Variants in MID1 observed in about 807,000 individuals in gnomAD.
MID1 encodes midline 1, also known as E3 ubiquitin-protein ligase Midline-1.
A neutral mutation model predicts 40.4 loss-of-function variants in MID1; 7 were observed. The observed-to-expected ratio is 0.17, with a 90% CI of 0.10 to 0.33. MID1 has a LOEUF of 0.33. Among genes scored for constraint, MID1 ranks in the 10% least tolerant of loss-of-function variants. The pLI is 1.00. For missense variants in MID1, 367 were observed against 558.5 expected, an observed-to-expected ratio of 0.66 and a Z score of 3.46; for synonymous variants, 229 against 221.2, an observed-to-expected ratio of 1.04 and a Z score of -0.31.
Position 10,449,683 on chromosome X carries a change from C to A in MID1, c.1689G>T (p.Pro563=), listed in dbSNP as rs765392240. The change falls in exon 10 of 10, where the codon CCG becomes CCT. Residue 563 remains proline (P), a synonymous_variant. Coordinates refer to ENST00000317552, the MANE Select transcript of MID1 (RefSeq NM_000381.4). ...AGTTCTTCCCAATCCATTCATGCTT[C>A]GGGGCTGATTTGTAAGCAAGACCAA... The part of the protein sequence containing the change: ...YAIGLAYKSA[P]KHEWIGKNSA... 1 of 1,211,086 alleles carries A rather than the reference C, an allele frequency of 8.3e-7. No individual in the cohort carries two copies. The highest frequency in any genetic ancestry group is 3.0e-5 in the East Asian group (1 of 33,779).
intron 1 of MID1, among the ~76,000 whole-genome samples, chrX:10,680,013 T>G (rs2043048549): frequency 8.9e-6 from 1 of 112,265 alleles, no homozygotes; most frequent in Admixed American, 9.5e-5. Flanking sequence ...ACTTAAAAAC[T>G]TTGCAGCACT....
At chrX:10,820,962 G>C (rs777698815) in intron 1 of MID1, among the ~76,000 whole-genome samples, 1 of 112,004 alleles carries the variant, frequency 8.9e-6, no homozygotes, top group East Asian at 2.8e-4. Flanking sequence ...AAGTTATTAT[G>C]AGCAAAATCA....
chrX:10,628,646 C>G (rs775989746), intron 1 of MID1, among the ~76,000 whole-genome samples: 36 of 111,748 alleles, frequency 3.2e-4, no homozygotes, highest in Admixed American at 2.9e-3. Flanking sequence ...TTTTCTTCAA[C>G]TGGGCAAATT....
intron 1 of MID1, among the ~76,000 whole-genome samples, chrX:10,831,177 A>G (rs188438734): frequency 2.7e-5 from 3 of 112,007 alleles, no homozygotes; most frequent in Middle Eastern, 9.2e-3. Flanking sequence ...CTCATCATTT[A>G]CCAGTGCTCT....
chrX:10,630,477 G>A (rs780880832), intron 1 of MID1, among the ~76,000 whole-genome samples: 1 of 109,476 alleles, frequency 9.1e-6, no homozygotes, highest in East Asian at 2.9e-4. Flanking sequence ...GCAGAGGGAG[G>A]AAGCACTACA....
chrX:10,806,806 A>T (rs1221800636), intron 1 of MID1, among the ~76,000 whole-genome samples: 2 of 112,303 alleles, frequency 1.8e-5, no homozygotes, highest in African/African-American at 6.5e-5. Context: ...TTCATTTGCA[A>T]ATATTCCTTT....
intron 5 of MID1, among the ~76,000 whole-genome samples, chrX:10,475,734 G>T (rs901151882): frequency 8.9e-6 from 1 of 111,871 alleles, no homozygotes; most frequent in Non-Finnish European, 1.9e-5. Flanking sequence ...GGGAATTTTT[G>T]AGCAAAGAAA....
At chrX:10,800,252 T>C (rs985281372) in intron 1 of MID1, among the ~76,000 whole-genome samples, 7 of 111,932 alleles carry the variant, frequency 6.3e-5, no homozygotes, top group Non-Finnish European at 1.3e-4. Context: ...GGCAAGGAAT[T>C]GAGGGTGGTC....
chrX:10,703,009 C>A (rs2043202174), intron 1 of MID1, among the ~76,000 whole-genome samples: 1 of 112,031 alleles, frequency 8.9e-6, no homozygotes, highest in Admixed American at 9.5e-5. Flanking sequence ...TGATCTTGGA[C>A]TTTCCAGCCT....
intron 7 of MID1, among the ~76,000 whole-genome samples, chrX:10,460,575 C>A (rs984297326): frequency 9.0e-6 from 1 of 111,249 alleles, no homozygotes; most frequent in Non-Finnish European, 1.9e-5. Flanking sequence ...ACCCATCAAT[C>A]TCCACTCCAA....
At chrX:10,746,973 T>C (rs1402215533) in intron 1 of MID1, among the ~76,000 whole-genome samples, 2 of 108,133 alleles carry the variant, frequency 1.8e-5, no homozygotes, top group Non-Finnish European at 3.8e-5. Flanking sequence ...CAAAATTTAC[T>C]AAATGAAAAT....
intron 4 of MID1, among the ~76,000 whole-genome samples, chrX:10,483,096 G>T (rs2147300449): frequency 8.9e-6 from 1 of 112,327 alleles, no homozygotes; most frequent in South Asian, 3.7e-4. Context: ...TGTAATTCAT[G>T]TAATAAAATC....
intron 2 of MID1, among the ~76,000 whole-genome samples, chrX:10,556,060 C>T (rs964350404): frequency 4.6e-5 from 5 of 107,643 alleles, no homozygotes; most frequent in African/African-American, 1.7e-4. Flanking sequence ...GGCCAACTTG[C>T]TTCATCATTT....
intron 1 of MID1, among the ~76,000 whole-genome samples, chrX:10,598,793 G>A (rs865820200): frequency 6.3e-5 from 7 of 111,834 alleles, no homozygotes; most frequent in African/African-American, 2.3e-4. Context: ...CTCCAGATAA[G>A]AGCTTCGTCT....
chrX:10,786,087 C>A (rs1191567536), intron 1 of MID1, among the ~76,000 whole-genome samples: 2 of 111,611 alleles, frequency 1.8e-5, no homozygotes, highest in Non-Finnish European at 3.8e-5. Flanking sequence ...GGGCTAATAT[C>A]CAGAATCTAC....
At chrX:10,630,542 C>T (rs372711648) in intron 1 of MID1, among the ~76,000 whole-genome samples, 5 of 100,389 alleles carry the variant, frequency 5.0e-5, no homozygotes, top group Admixed American at 2.1e-4. Flanking sequence ...GTGCGGGGGG[C>T]GGGGGCAGTG....
chrX:10,680,802 AG>A (rs1465879417), intron 1 of MID1, among the ~76,000 whole-genome samples: 1 of 110,223 alleles, frequency 9.1e-6, no homozygotes, highest in East Asian at 2.8e-4. Flanking sequence ...TGAGAGGCTA[AG>A]GTGAGCCGAT....
intron 1 of MID1, among the ~76,000 whole-genome samples, chrX:10,731,307 A>G (rs1406843845): frequency 8.9e-6 from 1 of 112,231 alleles, no homozygotes; most frequent in Non-Finnish European, 1.9e-5. Context: ...GCAAAGCGAA[A>G]CAAAATAAAG....
intron 1 of MID1, among the ~76,000 whole-genome samples, chrX:10,705,646 T>A (rs2043226165): frequency 8.9e-6 from 1 of 111,941 alleles, no homozygotes; most frequent in South Asian, 3.8e-4. Context: ...CTTCATCACA[T>A]TTAACCTTAC....
Sources: gnomAD v4.1 joint callset for allele counts (sites outside exome capture counted in the v4.1 genomes callset) on GRCh38, gnomAD v4.1.1 for gene constraint, MANE v1.5 for transcripts, NCBI Gene and HGNC (gene_info 2026-07-23, HGNC 2026-07-21) for gene names.